Variants in GRIN2A observed in about 807,000 individuals in gnomAD.
GRIN2A encodes the protein glutamate ionotropic receptor NMDA type subunit 2A, also known as glutamate receptor ionotropic, NMDA 2A.
A neutral mutation model predicts 113.4 loss-of-function variants in GRIN2A; 22 were observed. The observed-to-expected ratio is 0.19, with a 90% CI of 0.14 to 0.28. The LOEUF is 0.28. GRIN2A is among the 10% of genes least tolerant of loss of function. The probability of loss-of-function intolerance (pLI) is 1.00; values close to 1 mark genes in which losing one functional copy is unlikely to be tolerated. For synonymous variants in GRIN2A, 827 were observed against 738.4 expected, an observed-to-expected ratio of 1.12 and a Z score of -1.94; for missense variants, 1,502 against 1,887.0, an observed-to-expected ratio of 0.80 and a Z score of 3.78.
intron 2 of GRIN2A, among the ~76,000 whole-genome samples, chr16:9,988,491 C>T (rs1048153235): frequency 2.0e-5 from 3 of 152,070 alleles, no homozygotes; most frequent in African/African-American, 4.8e-5. Context: ...TATATCAAAT[C>T]CCCACCATGG....
chr16:9,801,392 A>C (rs1358949984), intron 10 of GRIN2A, among the ~76,000 whole-genome samples: 5 of 152,180 alleles, frequency 3.3e-5, no homozygotes, highest in African/African-American at 1.2e-4. Context: ...GCACATTCAA[A>C]CATTAGGGCC....
At chr16:9,767,170 G>T (rs1900967029) in intron 12 of GRIN2A, among the ~76,000 whole-genome samples, 1 of 152,160 alleles carries the variant, frequency 6.6e-6, no homozygotes, top group Non-Finnish European at 1.5e-5. Context: ...TTATTTTTAA[G>T]CAATCTATGT....
At chr16:9,986,577 A>G (rs1195714025) in intron 2 of GRIN2A, among the ~76,000 whole-genome samples, 2 of 152,092 alleles carry the variant, frequency 1.3e-5, no homozygotes, top group Non-Finnish European at 2.9e-5. Context: ...AGTCTGGTCA[A>G]CATAGTGAAA....
chr16:10,045,001 T>C (rs2047233876), intron 2 of GRIN2A, among the ~76,000 whole-genome samples: 1 of 152,196 alleles, frequency 6.6e-6, no homozygotes, highest in Non-Finnish European at 1.5e-5. Flanking sequence ...TGCTTTTGAA[T>C]AAAACATTTA....
At chr16:10,129,643 A>G (rs1053850613) in intron 2 of GRIN2A, among the ~76,000 whole-genome samples, 2 of 152,230 alleles carry the variant, frequency 1.3e-5, no homozygotes, top group African/African-American at 2.4e-5. Context: ...ATAAAGGACC[A>G]AGGGAAAAGA....
rs750221539 is a variant in GRIN2A, at chr16:9,764,080, C to A, written c.3464G>T (p.Ser1155Ile). 1.2e-6 allele frequency: 2 copies of A among 1,613,554 alleles called. No homozygotes were observed. Among genetic ancestry groups the A allele is most frequent in the East Asian group, 2.2e-5 (1 of 44,840 alleles). Residue 1155 changes from serine to isoleucine, a missense_variant, in exon 13 of 13, where the codon AGT (serine) becomes ATT (isoleucine). Around this residue, in one of 7 missense-constraint regions of GRIN2A, gnomAD observed 832 missense variants for 789.7 expected, o/e 1.05. Coordinates refer to ENST00000330684, the MANE Select transcript of GRIN2A (RefSeq NM_001134407.3). ...VDFPDPYQDP[S>I]ENFRKGDSTL... The stretch of plus-strand genomic sequence containing the variant: ...GGAGTCCCCCTTGCGGAAGTTTTCA[C>A]TGGGATCCTGGTAGGGGTCCGGGAA...
chr16:10,105,713 C>T (rs1011180826), intron 2 of GRIN2A, among the ~76,000 whole-genome samples: 13 of 152,012 alleles, frequency 8.6e-5, no homozygotes, highest in African/African-American at 2.7e-4. Context: ...TTGAGATCAG[C>T]CTGGCCAACA....
intron 2 of GRIN2A, among the ~76,000 whole-genome samples, chr16:9,983,649 C>T (rs1041061881): frequency 6.6e-6 from 1 of 152,162 alleles, no homozygotes; most frequent in Non-Finnish European, 1.5e-5. Context: ...CTGCGTTAGC[C>T]AGGATAGTCT....
intron 2 of GRIN2A, among the ~76,000 whole-genome samples, chr16:10,103,123 T>A (rs960258017): frequency 9.9e-5 from 15 of 152,080 alleles, no homozygotes; most frequent in African/African-American, 3.6e-4. Flanking sequence ...CACTCGCAAC[T>A]ATGAGGAATA....
At chr16:9,957,856 T>C (rs2045342054) in intron 2 of GRIN2A, among the ~76,000 whole-genome samples, 1 of 152,196 alleles carries the variant, frequency 6.6e-6, no homozygotes, top group South Asian at 2.1e-4. Flanking sequence ...CACCTGGGCC[T>C]CTGCCTGTTG....
chr16:9,896,840 G>A (rs1473272898), intron 3 of GRIN2A, among the ~76,000 whole-genome samples: 3 of 152,164 alleles, frequency 2.0e-5, no homozygotes, highest in Non-Finnish European at 2.9e-5. Flanking sequence ...TTGCTCCAGA[G>A]CAGAGTTCTT....
intron 2 of GRIN2A, among the ~76,000 whole-genome samples, chr16:10,056,202 A>T (rs565768646): frequency 4.6e-4 from 70 of 152,334 alleles, no homozygotes; most frequent in Non-Finnish European, 8.7e-4. Flanking sequence ...ACTCTGAAGA[A>T]ATTAATAATA....
At position 9,829,502 on chromosome 16, in the gene GRIN2A, G is replaced by A; in HGVS notation, c.1928C>T (p.Ala643Val). Reference protein sequence around the residue: ...VWAFFAVIFLASYTANLAAFM... With the variant: ...VWAFFAVIFLVSYTANLAAFM... The stretch of plus-strand genomic sequence containing the variant: ...GGCAGCCAGATTGGCTGTGTAGCTA[G>A]CCAGGAATATGACAGCGAAGAAGGC... Residue 643 changes from alanine to valine, a missense_variant, in exon 9 of 13, where the codon GCT becomes GTT. Ala to Val is a moderately conservative substitution (Grantham distance 64, BLOSUM62 0). Around this residue, in one of 7 missense-constraint regions of GRIN2A, gnomAD observed 2 missense variants for 33.2 expected, o/e 0.06. Transcript: ENST00000330684. The A allele has an allele frequency of 6.2e-7, 1 of 1,614,022 alleles. No homozygotes were observed. Among genetic ancestry groups the A allele is most frequent in the Non-Finnish European group, 8.5e-7 (1 of 1,179,926 alleles).
chr16:9,998,723 C>G (rs536366457), intron 2 of GRIN2A, among the ~76,000 whole-genome samples: 1 of 152,138 alleles, frequency 6.6e-6, no homozygotes, highest in African/African-American at 2.4e-5. Flanking sequence ...GAATCAGTCT[C>G]ACTCTTCTCT....
chr16:9,859,914 T>A (rs1418782499), intron 4 of GRIN2A, among the ~76,000 whole-genome samples: 1 of 152,112 alleles, frequency 6.6e-6, no homozygotes, highest in South Asian at 2.1e-4. Flanking sequence ...TGAGCCCACA[T>A]GCCTTCAGTG....
In GRIN2A at chr16:9,914,728, A is replaced by C. The variant is rs116831151; in HGVS notation, c.1007+23231T>G. ...AATTGAAACTTGCCATTAAGGCTAT[A>C]ACAGCTTAATCACCTGGATATGATA... On this transcript the variant is annotated intron_variant, in intron 3 of 12. Coordinates refer to ENST00000330684, the MANE Select transcript of GRIN2A (RefSeq NM_001134407.3). Among the ~76,000 whole-genome samples, 443 of 152,070 alleles carry C rather than the reference A, an allele frequency of 2.9e-3. 4 individuals are homozygous for C. Among genetic ancestry groups the C allele is most frequent in the African/African-American group, 0.01 (430 of 41,486 alleles).
intron 2 of GRIN2A, among the ~76,000 whole-genome samples, chr16:10,118,026 G>C (rs1280159982): frequency 2.0e-5 from 3 of 152,112 alleles, no homozygotes; most frequent in Admixed American, 2.0e-4. Flanking sequence ...ACCAGCCAAT[G>C]ATAATCTTGG....
chr16:10,037,746 C>T (rs960372632), intron 2 of GRIN2A, among the ~76,000 whole-genome samples: 1 of 152,142 alleles, frequency 6.6e-6, no homozygotes, highest in African/African-American at 2.4e-5. Flanking sequence ...CCACCTCAGC[C>T]TCCTGAGTAT....
intron 2 of GRIN2A, among the ~76,000 whole-genome samples, chr16:10,069,811 G>A (rs2047716404): frequency 6.6e-6 from 1 of 152,242 alleles, no homozygotes; most frequent in African/African-American, 2.4e-5. Flanking sequence ...CCAGCAAGCT[G>A]TGCATGACCA....
Sources: gnomAD v4.1 joint callset for allele counts (sites outside exome capture counted in the v4.1 genomes callset) on GRCh38, gnomAD v4.1.1 for gene constraint, gnomAD v4.1.1 regional missense constraint, MANE v1.5 for transcripts, NCBI Gene and HGNC (gene_info 2026-07-23, HGNC 2026-07-21) for gene names.